SEMA4D: variants seen among roughly 807,000 people sequenced by gnomAD.
SEMA4D encodes the protein semaphorin 4D.
A neutral mutation model predicts 74.8 loss-of-function variants in SEMA4D; 22 were observed. The observed-to-expected ratio is 0.29, with a 90% CI of 0.21 to 0.42. The LOEUF (loss-of-function observed/expected upper bound fraction) is 0.42, where lower values mean the gene tolerates loss of function less well. Among genes scored for constraint, SEMA4D ranks in the 10% least tolerant of loss-of-function variants. SEMA4D has a pLI of 1.00. For synonymous variants in SEMA4D, 445 were observed against 463.7 expected (o/e 0.96, Z 0.52); for missense variants, 937 against 1,118.4 (o/e 0.84, Z 2.31).
downstream of SEMA4D, among the ~76,000 whole-genome samples, chr9:89,375,776 A>G (rs967749736): frequency 6.6e-6 from 1 of 152,250 alleles, no homozygotes; most frequent in African/African-American, 2.4e-5. Flanking sequence ...TTTCAAGAGC[A>G]GATATCCCAT....
chr9:89,386,342 G>A (rs376366170), intron 13 of SEMA4D, 25 bp downstream of exon 13: 41 of 1,553,470 alleles, frequency 2.6e-5, no homozygotes, highest in Non-Finnish European at 3.3e-5. Context: ...AGAAGCCCCC[G>A]GTCCAGCTGC....
At position 89,379,193 on chromosome 9, in the gene SEMA4D, C is replaced by A. The variant is rs748528636; in HGVS notation, c.2100G>T (p.Lys700Asn). ...TSSGAITLPP[K>N]PAPTGTSCEP... ...CGCAGGATGTGCCGGTGGGCGCAGGCTTGGGAGGAAGGGTGATGGCCCCGG... is the reference window on the plus strand; with the variant it reads ...CGCAGGATGTGCCGGTGGGCGCAGGATTGGGAGGAAGGGTGATGGCCCCGG... Residue 700 changes from lysine (K) to asparagine (N), a missense_variant, in exon 16 of 16, where the codon AAG becomes AAT. Lys to Asn is a moderately conservative substitution (Grantham distance 94). Coordinates refer to ENST00000422704, the MANE Select transcript of SEMA4D (RefSeq NM_001371194.2). 3.1e-6 allele frequency: 5 copies of A among 1,613,738 alleles called. No homozygotes were observed. In the African/African-American group the frequency reaches 4.0e-5, roughly 13 times the overall value.
chr9:89,447,657 G>A (rs1434678997), intron 2 of SEMA4D, among the ~76,000 whole-genome samples: 1 of 152,098 alleles, frequency 6.6e-6, no homozygotes, highest in African/African-American at 2.4e-5. Flanking sequence ...CTAACCGGGT[G>A]CCCGACACCC....
intron 1 of SEMA4D, among the ~76,000 whole-genome samples, chr9:89,465,346 A>G (rs1858410951): frequency 6.6e-6 from 1 of 152,238 alleles, no homozygotes; most frequent in Admixed American, 6.5e-5. Context: ...GTCACTTAAA[A>G]AAAATGACCA....
intron 13 of SEMA4D, among the ~76,000 whole-genome samples, chr9:89,383,193 C>T (rs115414677): frequency 5.9e-4 from 90 of 152,268 alleles, no homozygotes; most frequent in African/African-American, 2.1e-3. Context: ...CTGTAGCCTC[C>T]AAGTCTGTCC....
chr9:89,361,470 CGTGT>C (rs34831641), exon 19 of SEMA4D: 1 of 152,142 alleles, frequency 6.6e-6, no homozygotes, highest in Non-Finnish European at 1.5e-5. Context: ...CAAGAAGAGA[CGTGT>C]GTGTAAGATT....
intron 2 of SEMA4D, among the ~76,000 whole-genome samples, chr9:89,433,111 C>T (rs775064409): frequency 7.2e-5 from 11 of 152,220 alleles, no homozygotes; most frequent in Non-Finnish European, 1.5e-4. Flanking sequence ...GCTGGTGCAT[C>T]CTGGGCACAG....
At chr9:89,472,451 G>T in intron 1 of SEMA4D, 1 of 257,034 alleles carries the variant, frequency 3.9e-6, no homozygotes, top group Non-Finnish European at 7.6e-6. Flanking sequence ...ATAGAATGTG[G>T]ACCTAAACAC....
chr9:89,376,183 CTT>C (rs1310320167), downstream of SEMA4D, among the ~76,000 whole-genome samples: 1 of 152,220 alleles, frequency 6.6e-6, no homozygotes, highest in African/African-American at 2.4e-5. Flanking sequence ...TCTGGAAGCT[CTT>C]AATTTTTTAA....
intron 9 of SEMA4D, among the ~76,000 whole-genome samples, chr9:89,389,410 C>T (rs1286090085): frequency 6.6e-6 from 1 of 152,244 alleles, no homozygotes; most frequent in African/African-American, 2.4e-5. Flanking sequence ...CATTGTGTGA[C>T]TTTCCTGACA....
chr9:89,400,490 TGAG>T (rs746942295), intron 4 of SEMA4D, among the ~76,000 whole-genome samples: 1 of 152,108 alleles, frequency 6.6e-6, no homozygotes, highest in Non-Finnish European at 1.5e-5. Flanking sequence ...AGGGAGAGTA[TGAG>T]GAGAGGAACC....
chr9:89,401,859 G>A (rs1476326318), intron 4 of SEMA4D, among the ~76,000 whole-genome samples: 19 of 152,266 alleles, frequency 1.2e-4, no homozygotes, highest in South Asian at 2.1e-4. Context: ...AGTAGAGAAG[G>A]AGAGGTAGAA....
intron 1 of SEMA4D, among the ~76,000 whole-genome samples, chr9:89,457,225 G>A (rs1588037133): frequency 6.6e-6 from 1 of 152,194 alleles, no homozygotes; most frequent in African/African-American, 2.4e-5. Flanking sequence ...GATGGGGTGG[G>A]GAAACCAGCG....
intron 2 of SEMA4D, among the ~76,000 whole-genome samples, chr9:89,428,632 C>A (rs1482081553): frequency 1.3e-5 from 2 of 152,238 alleles, no homozygotes; most frequent in Non-Finnish European, 2.9e-5. Context: ...AGGCCAGCTC[C>A]CAGCCACTCT....
chr9:89,441,443 G>A (rs1851641526), intron 2 of SEMA4D, among the ~76,000 whole-genome samples: 1 of 152,262 alleles, frequency 6.6e-6, no homozygotes, highest in African/African-American at 2.4e-5. Flanking sequence ...AAGGAAAGGG[G>A]ATGTGGCCGA....
At chr9:89,431,391 T>C (rs936529128) in intron 2 of SEMA4D, among the ~76,000 whole-genome samples, 63 of 152,206 alleles carry the variant, frequency 4.1e-4, no homozygotes, top group Non-Finnish European at 1.6e-4. Context: ...GAGGTGGAAT[T>C]TTAGGGGCAC....
rs750000018 is a variant in SEMA4D, at chr9:89,386,334, A to G, written c.1446+33T>C. ...CTAGAATCAAAGCCACCGAGCGGAG[A>G]AGCCCCCGGTCCAGCTGCCTGCGTC... On this transcript the variant is annotated intron_variant, in intron 13 of 15. Transcript: ENST00000422704. 2.6e-6 allele frequency: 4 copies of G among 1,510,274 alleles called. No homozygotes were observed. The Admixed American group carries it at 7.0e-5, about 26-fold the overall frequency. The allele number at this position is 1,510,274 out of a possible 1,614,324, so 93.6% of individuals were successfully genotyped here. A position where few individuals can be genotyped will look rare whatever the true frequency, so the allele number is the denominator to read the frequency against.
At chr9:89,472,010 A>G (rs968727264) in intron 1 of SEMA4D, among the ~76,000 whole-genome samples, 3 of 152,244 alleles carry the variant, frequency 2.0e-5, no homozygotes, top group Non-Finnish European at 4.4e-5. Context: ...ACTCAGATGC[A>G]TACAGGCTGA....
At position 89,388,904 on chromosome 9, in the gene SEMA4D, C is replaced by G. The variant is rs1237226075; in HGVS notation, c.918G>C (p.Val306=). 6.2e-7 allele frequency: 1 copy of G among 1,614,026 alleles called. No homozygotes were observed. Among genetic ancestry groups the G allele is most frequent in the Non-Finnish European group, 8.5e-7 (1 of 1,180,032 alleles). Residue 306 remains valine (V), a synonymous_variant, in exon 10 of 16, where the codon GTG becomes GTC. Coordinates refer to ENST00000422704, the MANE Select transcript of SEMA4D (RefSeq NM_001371194.2). ...VFVLRSPGLK[V]PVFYALFTPQ... ...GGGTGAAGAGTGCATAGAACACAGG[C>G]ACCTTCAGGCCCGGGGACCTGAGCA...
Sources: gnomAD v4.1 joint callset for allele counts (sites outside exome capture counted in the v4.1 genomes callset) on GRCh38, gnomAD v4.1.1 for gene constraint, MANE v1.5 for transcripts, NCBI Gene and HGNC (gene_info 2026-07-23, HGNC 2026-07-21) for gene names.